Variants in GPC5 observed in about 807,000 individuals in gnomAD.
GPC5 encodes glypican-5.
A neutral mutation model predicts 53.9 loss-of-function variants in GPC5; 47 were observed. The observed-to-expected ratio is 0.87, with a 90% CI of 0.69 to 1.11. GPC5 has a LOEUF of 1.11. Ranked by LOEUF, GPC5 falls within the 50% of genes most tolerant of loss-of-function variation. The pLI, the probability that GPC5 is intolerant of heterozygous loss-of-function variation, is 0.00. For missense variants in GPC5, 748 were observed against 713.1 expected (o/e 1.05, Z -0.56); for synonymous variants, 286 against 263.3 (o/e 1.09, Z -0.84).
chr13:91,905,066 A>G (rs969197893), intron 5 of GPC5, among the ~76,000 whole-genome samples: 1 of 152,096 alleles, frequency 6.6e-6, no homozygotes, highest in Admixed American at 6.6e-5. Context: ...ATTCATGGTC[A>G]CCAAAAGATG....
At chr13:92,430,828 T>A (rs1877052128) in intron 7 of GPC5, among the ~76,000 whole-genome samples, 1 of 152,012 alleles carries the variant, frequency 6.6e-6, no homozygotes. Flanking sequence ...TAAACCTCAT[T>A]AAGCTTGCAA....
At chr13:91,571,871 A>ACACACATACGTGTGTG (rs1231149317) in intron 2 of GPC5, among the ~76,000 whole-genome samples, 1 of 70,196 alleles carries the variant, frequency 1.4e-5, no homozygotes, top group Non-Finnish European at 2.6e-5. Flanking sequence ...GTGTGTGTAT[A>ACACACATACGTGTGTG]TATACACACA....
chr13:91,855,730 A>C (rs753408601), intron 5 of GPC5, among the ~76,000 whole-genome samples: 1 of 151,590 alleles, frequency 6.6e-6, no homozygotes, highest in Admixed American at 6.6e-5. Flanking sequence ...AATTCTGCAG[A>C]TCTCTGATGC....
At chr13:91,809,758 A>G (rs957645306) in intron 5 of GPC5, among the ~76,000 whole-genome samples, 2 of 152,080 alleles carry the variant, frequency 1.3e-5, no homozygotes, top group Non-Finnish European at 1.5e-5. Flanking sequence ...ATGTTGAAAC[A>G]TATACTGAAT....
chr13:92,840,078 CATATATATATAT>C (rs4001881), intron 7 of GPC5, among the ~76,000 whole-genome samples: 4,458 of 98,784 alleles, frequency 0.045, 147 homozygotes, highest in African/African-American at 0.094. Context: ...TATATACATA[CATATATATATAT>C]ATATATATAT....
At chr13:92,637,606 G>T (rs1885450610) in intron 7 of GPC5, among the ~76,000 whole-genome samples, 1 of 152,168 alleles carries the variant, frequency 6.6e-6, no homozygotes, top group Admixed American at 6.5e-5. Context: ...ACCAAGCAAA[G>T]CTTAAAAGCA....
chr13:92,694,293 G>C (rs1366158613), intron 7 of GPC5, among the ~76,000 whole-genome samples: 1 of 152,140 alleles, frequency 6.6e-6, no homozygotes, highest in Admixed American at 6.5e-5. Context: ...CTGCCTAGTG[G>C]AGCTGTGAGA....
intron 2 of GPC5, among the ~76,000 whole-genome samples, chr13:91,461,549 C>T (rs1323439463): frequency 1.3e-5 from 2 of 152,096 alleles, no homozygotes; most frequent in Non-Finnish European, 2.9e-5. Context: ...ATAATAGTAC[C>T]TTCTTCTAGG....
chr13:91,677,741 T>C (rs1339166747), intron 2 of GPC5, among the ~76,000 whole-genome samples: 2 of 152,236 alleles, frequency 1.3e-5, no homozygotes, highest in Non-Finnish European at 2.9e-5. Flanking sequence ...TAAAGTCATA[T>C]CTTTGAAATC....
intron 2 of GPC5, among the ~76,000 whole-genome samples, chr13:91,646,450 A>T: frequency 6.6e-6 from 1 of 152,056 alleles, no homozygotes; most frequent in Admixed American, 6.5e-5. Flanking sequence ...ATATGATTAT[A>T]CTATATATAT....
At position 92,366,488 on chromosome 13, in the gene GPC5, C is replaced by A. The variant is rs537530713; in HGVS notation, c.1561+221499C>A. Among the ~76,000 whole-genome samples, 76 of 151,884 alleles carry A rather than the reference C, an allele frequency of 5.0e-4. 3 individuals carry two copies. In the Middle Eastern group the frequency reaches 0.017, roughly 34 times the overall value. ...TAATGGCAATCTACAGTAACCTTAG[C>A]ATTATTGCATGATTAAGAAGTTTAT... On this transcript the variant is annotated intron_variant, in intron 7 of 7. Transcript: ENST00000377067.
chr13:92,210,898 GCTTA>G (rs1566486720), intron 7 of GPC5, among the ~76,000 whole-genome samples: 2 of 152,222 alleles, frequency 1.3e-5, no homozygotes, highest in South Asian at 2.1e-4. Flanking sequence ...CAGACATCAC[GCTTA>G]CTTCTTTCTT....
chr13:91,702,632 G>T (rs2036017734), intron 3 of GPC5, among the ~76,000 whole-genome samples: 1 of 151,928 alleles, frequency 6.6e-6, no homozygotes, highest in Non-Finnish European at 1.5e-5. Flanking sequence ...GTCTTTTGTG[G>T]TTCCATACAA....
At chr13:92,082,567 C>CA (rs1296542249) in intron 6 of GPC5, among the ~76,000 whole-genome samples, 3 of 152,094 alleles carry the variant, frequency 2.0e-5, no homozygotes, top group East Asian at 1.9e-4. Flanking sequence ...AATTCCTTAG[C>CA]AAAAAAATAG....
chr13:92,666,214 T>C (rs910977213), intron 7 of GPC5, among the ~76,000 whole-genome samples: 2 of 152,190 alleles, frequency 1.3e-5, no homozygotes, highest in Non-Finnish European at 1.5e-5. Flanking sequence ...ATTGAATATA[T>C]TAACAATGGA....
intron 7 of GPC5, among the ~76,000 whole-genome samples, chr13:92,858,129 G>A (rs571906998): frequency 6.6e-6 from 1 of 152,104 alleles, no homozygotes; most frequent in Non-Finnish European, 1.5e-5. Flanking sequence ...ATATGGTTTG[G>A]CTGTGTTCCC....
chr13:91,570,619 G>C (rs1341035507), intron 2 of GPC5, among the ~76,000 whole-genome samples: 1 of 151,918 alleles, frequency 6.6e-6, no homozygotes, highest in Non-Finnish European at 1.5e-5. Context: ...ATATGCTTTC[G>C]AGCAATTACC....
At chr13:91,828,445 C>T (rs180930518) in intron 5 of GPC5, among the ~76,000 whole-genome samples, 75 of 151,976 alleles carry the variant, frequency 4.9e-4, no homozygotes, top group Non-Finnish European at 1.0e-3. Context: ...TTGTTCTACT[C>T]GTTAAGAGTA....
chr13:91,719,714 G>A (rs1566635278), intron 3 of GPC5, among the ~76,000 whole-genome samples: 1 of 152,162 alleles, frequency 6.6e-6, no homozygotes, highest in Non-Finnish European at 1.5e-5. Flanking sequence ...AAAAAGGGGT[G>A]ATGGACTTAT....
Sources: allele counts gnomAD v4.1 joint callset (sites outside exome capture counted in the v4.1 genomes callset), GRCh38; gene constraint gnomAD v4.1.1; transcripts MANE v1.5; gene names NCBI Gene and HGNC (gene_info 2026-07-23, HGNC 2026-07-21).